PDE8B: variants seen among roughly 807,000 people sequenced by gnomAD.
The protein encoded by PDE8B is phosphodiesterase 8B, also known as high affinity cAMP-specific and IBMX-insensitive 3',5'-cyclic phosphodiesterase 8B.
PDE8B carries 26 observed loss-of-function variants against 101.3 expected under a neutral mutation model. The observed-to-expected ratio is 0.26, with a 90% CI of 0.19 to 0.36. PDE8B has a LOEUF of 0.36. Among genes scored for constraint, PDE8B ranks in the 10% least tolerant of loss-of-function variants. PDE8B has a pLI of 1.00. For missense variants in PDE8B, 810 were observed against 1,163.1 expected, an observed-to-expected ratio of 0.70 and a Z score of 4.42; for synonymous variants, 424 against 429.3, an observed-to-expected ratio of 0.99 and a Z score of 0.15.
At chr5:77,256,254 C>T (rs1759150796) in intron 1 of PDE8B, among the ~76,000 whole-genome samples, 1 of 152,106 alleles carries the variant, frequency 6.6e-6, no homozygotes, top group Non-Finnish European at 1.5e-5. Context: ...ACATTGGGTA[C>T]GTATATGAGG....
chr5:77,109,783 A>G, the PDE8B span, among the ~76,000 whole-genome samples: 1 of 152,210 alleles, frequency 6.6e-6, no homozygotes, highest in African/African-American at 2.4e-5. Context: ...AAACATGTTT[A>G]TATGACGATT....
At chr5:77,202,786 A>G in the PDE8B span, among the ~76,000 whole-genome samples, 14 of 152,118 alleles carry the variant, frequency 9.2e-5, no homozygotes, top group African/African-American at 3.4e-4. Context: ...TGCCTGGCTA[A>G]TTTTTATTTT....
intron 1 of PDE8B, among the ~76,000 whole-genome samples, chr5:77,257,751 C>T (rs892226593): frequency 6.6e-6 from 1 of 152,046 alleles, no homozygotes; most frequent in Non-Finnish European, 1.5e-5. Flanking sequence ...TGGTTTGCTG[C>T]ACCTATCAAC....
chr5:77,365,054 A>T (rs142300966), intron 10 of PDE8B, among the ~76,000 whole-genome samples: 2 of 152,154 alleles, frequency 1.3e-5, no homozygotes. Flanking sequence ...GGAAATCCCT[A>T]CAGGAGGAAC....
intron 10 of PDE8B, among the ~76,000 whole-genome samples, chr5:77,378,012 A>ACC: frequency 1.1e-5 from 1 of 92,824 alleles, no homozygotes; most frequent in African/African-American, 5.2e-5. Context: ...CTCTCTCTAC[A>ACC]CACACACACA....
intron 10 of PDE8B, among the ~76,000 whole-genome samples, chr5:77,378,049 C>CACACACA (rs1554093056): frequency 1.3e-5 from 2 of 148,482 alleles, no homozygotes; most frequent in East Asian, 2.0e-4. Context: ...CACACACACA[C>CACACACA]CCCCTGTTGG....
chr5:77,094,261 C>T, the PDE8B span, among the ~76,000 whole-genome samples: 1 of 152,160 alleles, frequency 6.6e-6, no homozygotes, highest in Non-Finnish European at 1.5e-5. Flanking sequence ...GGAATTTAGC[C>T]ATGTCAATGC....
At chr5:77,226,980 A>G (rs749049260) in intron 1 of PDE8B, among the ~76,000 whole-genome samples, 3 of 152,168 alleles carry the variant, frequency 2.0e-5, no homozygotes, top group Admixed American at 2.0e-4. Flanking sequence ...TTCCACTTAC[A>G]TTAAAGTCCT....
At chr5:77,207,345 T>A (rs553894945), upstream of PDE8B, among the ~76,000 whole-genome samples, 1 of 152,364 alleles carries the variant, frequency 6.6e-6, no homozygotes, top group African/African-American at 2.4e-5. Context: ...TTGTTCAGGA[T>A]CTTGCAGTGC....
chr5:77,389,273 G>A (rs1789394620), intron 10 of PDE8B, among the ~76,000 whole-genome samples: 1 of 152,188 alleles, frequency 6.6e-6, no homozygotes, highest in Non-Finnish European at 1.5e-5. Context: ...GGGCCGGAAT[G>A]TACCATTCCT....
At chr5:77,408,636 A>G (rs1320253313) in intron 13 of PDE8B, among the ~76,000 whole-genome samples, 4 of 152,156 alleles carry the variant, frequency 2.6e-5, no homozygotes, top group South Asian at 2.1e-4. Context: ...AGCAACTCCA[A>G]TCTGTAGAGG....
At chr5:77,291,624 G>A (rs1767363378) in intron 1 of PDE8B, 4 of 1,597,220 alleles carry the variant, frequency 2.5e-6, no homozygotes, top group Non-Finnish European at 3.4e-6. Context: ...CTGTGGCACT[G>A]TAAATGTCAA....
intron 1 of PDE8B, among the ~76,000 whole-genome samples, chr5:77,253,695 A>G (rs1189217374): frequency 2.0e-5 from 3 of 152,182 alleles, no homozygotes; most frequent in Non-Finnish European, 4.4e-5. Flanking sequence ...AAAGCTTGGG[A>G]TACCTGAAAT....
At chr5:77,395,651 G>A (rs1790889471) in intron 10 of PDE8B, among the ~76,000 whole-genome samples, 1 of 152,064 alleles carries the variant, frequency 6.6e-6, no homozygotes, top group Non-Finnish European at 1.5e-5. Flanking sequence ...AGGGGAAGTT[G>A]AGACAGCAAA....
At chr5:77,097,177 G>A in the PDE8B span, among the ~76,000 whole-genome samples, 2,279 of 152,268 alleles carry the variant, frequency 0.015, 60 homozygotes, top group African/African-American at 0.051. Flanking sequence ...AAGAGAGAAG[G>A]CGAAGGAGGA....
chr5:77,210,813 G>A lies in PDE8B; in HGVS notation c.-113G>A, dbSNP rs915491222. 1.2e-5 allele frequency: 12 copies of A among 985,356 alleles called. No individual in the cohort carries two copies. In the African/African-American group the frequency reaches 1.6e-4, roughly 13 times the overall value. 61.0% of individuals were successfully genotyped at this position (985,356 alleles called of 1,614,324 possible). The stretch of plus-strand genomic sequence containing the variant: ...GGAGCGGCGGACACACAGGCCGGGG[G>A]GCGCGCAGTCCGGGCGCCGCCGCGG... On this transcript the variant is annotated 5_prime_UTR_variant, in exon 1 of 22. Coordinates refer to ENST00000264917, the MANE Select transcript of PDE8B (RefSeq NM_003719.5). The surrounding 1 kb of genome is among the most constrained non-coding windows in gnomAD (Gnocchi z 4.9).
intron 10 of PDE8B, among the ~76,000 whole-genome samples, chr5:77,383,239 T>G (rs1787871733): frequency 1.3e-5 from 2 of 152,252 alleles, no homozygotes; most frequent in Admixed American, 1.3e-4. Context: ...ATGTCTTCTT[T>G]TGAGAAGTGT....
the PDE8B span, among the ~76,000 whole-genome samples, chr5:77,193,766 C>T: frequency 2.0e-5 from 3 of 152,116 alleles, no homozygotes; most frequent in African/African-American, 7.2e-5. Flanking sequence ...GGGGAACTGA[C>T]ATCTCAGCAA....
At chr5:77,393,815 C>CCT (rs1284513080) in intron 10 of PDE8B, among the ~76,000 whole-genome samples, 1 of 152,164 alleles carries the variant, frequency 6.6e-6, no homozygotes, top group Admixed American at 6.5e-5. Context: ...TATCTTGGTT[C>CCT]CTGGGCCTGT....
Sources: allele counts gnomAD v4.1 joint callset (sites outside exome capture counted in the v4.1 genomes callset), GRCh38; gene constraint gnomAD v4.1.1; non-coding constraint Gnocchi (gnomAD v3.1); transcripts MANE v1.5; gene names NCBI Gene and HGNC (gene_info 2026-07-23, HGNC 2026-07-21).